MSI2: variants seen among roughly 807,000 people sequenced by gnomAD.
MSI2 encodes the protein musashi RNA binding protein 2.
A neutral mutation model predicts 45.6 loss-of-function variants in MSI2; 17 were observed. The observed-to-expected ratio is 0.37, with a 90% CI of 0.26 to 0.56. The LOEUF is 0.56. Among genes scored for constraint, MSI2 ranks in the 20% least tolerant of loss-of-function variants. The pLI is 0.77. For missense variants in MSI2, 293 were observed against 444.2 expected, an observed-to-expected ratio of 0.66 and a Z score of 3.06; for synonymous variants, 156 against 158.2, an observed-to-expected ratio of 0.99 and a Z score of 0.11.
At chr17:57,615,928 G>A (rs761256014) in intron 8 of MSI2, 42 bp from the exon 9 acceptor site, 11 of 1,444,346 alleles carry the variant, frequency 7.6e-6, no homozygotes, top group Non-Finnish European at 1.1e-5. Flanking sequence ...CATTTACGTG[G>A]AATTCATTTG....
rs1194523537 is a variant in MSI2 at position 57,679,590 on chromosome 17, A to G, written c.*73A>G. ...CAGGCAAGACTGGGCGAAGTTTCTG[A>G]GTGGCCCTTTGTTTAGGTGATGTCC... is the stretch of plus-strand genomic sequence containing the variant. On this transcript the variant is annotated 3_prime_UTR_variant, in exon 14 of 14. Transcript: ENST00000284073. 9.4e-7 allele frequency: 1 copy of G among 1,061,844 alleles called. No individual in the cohort carries two copies. The highest frequency in any genetic ancestry group is 1.1e-6 in the Non-Finnish European group (1 of 876,944). The allele number at this position is 1,061,844 out of a possible 1,614,324, so 65.8% of individuals were successfully genotyped here.
intron 10 of MSI2, among the ~76,000 whole-genome samples, chr17:57,640,498 T>C (rs983719193): frequency 1.3e-5 from 2 of 152,250 alleles, no homozygotes; most frequent in East Asian, 3.8e-4. Flanking sequence ...ATAAATGTTA[T>C]TATTCCACTT....
chr17:57,272,064 C>G (rs1389489731), intron 5 of MSI2, among the ~76,000 whole-genome samples: 1 of 152,124 alleles, frequency 6.6e-6, no homozygotes, highest in Non-Finnish European at 1.5e-5. Flanking sequence ...AGGCAAGGAA[C>G]CAGCCAAGTA....
At chr17:57,336,370 C>T (rs1258361995) in intron 5 of MSI2, among the ~76,000 whole-genome samples, 1 of 152,212 alleles carries the variant, frequency 6.6e-6, no homozygotes, top group Non-Finnish European at 1.5e-5. Context: ...AACCTTTCCA[C>T]ATTCCCAGTT....
At chr17:57,537,379 G>C (rs1247121399) in intron 7 of MSI2, among the ~76,000 whole-genome samples, 1 of 152,206 alleles carries the variant, frequency 6.6e-6, no homozygotes, top group Non-Finnish European at 1.5e-5. Context: ...GTGGGATAAA[G>C]AGTCAGCCCA....
intron 11 of MSI2, among the ~76,000 whole-genome samples, chr17:57,655,999 T>C (rs1317803484): frequency 6.6e-6 from 1 of 152,210 alleles, no homozygotes; most frequent in Non-Finnish European, 1.5e-5. Flanking sequence ...GGGACTGAAC[T>C]AAATGCATGC....
intron 7 of MSI2, among the ~76,000 whole-genome samples, chr17:57,574,867 G>C (rs2087978382): frequency 8.0e-6 from 1 of 124,602 alleles, no homozygotes; most frequent in Non-Finnish European, 1.6e-5. Context: ...GTCTCGCTCT[G>C]TCGCCCAGGC....
intron 6 of MSI2, among the ~76,000 whole-genome samples, chr17:57,497,534 A>G (rs1414807035): frequency 1.3e-5 from 2 of 152,168 alleles, no homozygotes; most frequent in African/African-American, 2.4e-5. Flanking sequence ...GGTCTTTGTC[A>G]AGGTTACATG....
At chr17:57,396,020 T>A (rs2143034031) in intron 5 of MSI2, among the ~76,000 whole-genome samples, 1 of 152,298 alleles carries the variant, frequency 6.6e-6, no homozygotes, top group Middle Eastern at 3.4e-3. Flanking sequence ...ACCTTGGGGT[T>A]CCCACAGATG....
chr17:57,330,281 T>C (rs1326438339), intron 5 of MSI2, among the ~76,000 whole-genome samples: 10 of 150,722 alleles, frequency 6.6e-5, no homozygotes, highest in Admixed American at 5.9e-4. Flanking sequence ...TAACTTTTTC[T>C]TTTTTTTCTT....
chr17:57,497,166 AG>A (rs1164860770), intron 6 of MSI2, among the ~76,000 whole-genome samples: 2 of 152,252 alleles, frequency 1.3e-5, no homozygotes, highest in East Asian at 3.9e-4. Flanking sequence ...TAGTAGAGTC[AG>A]GGTTTCACCA....
In MSI2 at chr17:57,627,510, G is replaced by A. The variant is rs983471256; in HGVS notation, c.727+207G>A. The A allele has an allele frequency of 2.4e-5, 14 of 588,986 alleles. No individual in the cohort carries two copies. The highest frequency in any genetic ancestry group is 4.6e-4 in the Middle Eastern group (1 of 2,180). 36.5% of individuals were successfully genotyped at this position (588,986 alleles called of 1,614,324 possible). A position where few individuals can be genotyped will look rare whatever the true frequency, so the allele number is the denominator to read the frequency against. On this transcript the variant is annotated intron_variant, in intron 10 of 13. Coordinates refer to ENST00000284073, the MANE Select transcript of MSI2 (RefSeq NM_138962.4). This position sits in a 1 kb window ranked among gnomAD's most constrained non-coding sequence, Gnocchi z 4.6. ...AACTCAGGTATAACTCACTGGTGCC[G>A]GGTATTTGAGAACGGCAGCTTTTAA...
intron 5 of MSI2, among the ~76,000 whole-genome samples, chr17:57,382,655 A>G (rs10445349): frequency 0.48 from 72,900 of 151,584 alleles, 20,339 homozygotes; most frequent in South Asian, 0.67. Context: ...ATGGCTCTGC[A>G]GATACCCTGC....
At chr17:57,659,061 T>TTGGTTGG (rs1911804731) in intron 11 of MSI2, among the ~76,000 whole-genome samples, 1 of 151,034 alleles carries the variant, frequency 6.6e-6, no homozygotes, top group Non-Finnish European at 1.5e-5. Context: ...TTTTATTTGG[T>TTGGTTGG]TGGTTGGTTG....
intron 5 of MSI2, among the ~76,000 whole-genome samples, chr17:57,310,749 G>A (rs1342189266): frequency 2.0e-5 from 3 of 152,142 alleles, no homozygotes; most frequent in African/African-American, 7.2e-5. Flanking sequence ...ATATTAATGA[G>A]TGCCTCACTT....
At chr17:57,290,953 T>C (rs1425321591) in intron 5 of MSI2, among the ~76,000 whole-genome samples, 1 of 152,226 alleles carries the variant, frequency 6.6e-6, no homozygotes, top group Admixed American at 6.5e-5. Context: ...CCTGCGTCAG[T>C]GTCCTGGGTG....
intron 6 of MSI2, among the ~76,000 whole-genome samples, chr17:57,443,682 T>TGTGA (rs1814268083): frequency 6.6e-6 from 1 of 152,142 alleles, no homozygotes; most frequent in Non-Finnish European, 1.5e-5. Context: ...GCTCTGCCCG[T>TGTGA]GTGAGACAGG....
At chr17:57,365,241 T>C (rs1051793812) in intron 5 of MSI2, among the ~76,000 whole-genome samples, 10 of 152,228 alleles carry the variant, frequency 6.6e-5, no homozygotes, top group African/African-American at 2.4e-4. Context: ...TGGTTTTTTA[T>C]ATACCTTGCT....
At position 57,456,029 on chromosome 17, in the gene MSI2, G is replaced by A. The variant is rs150478567; in HGVS notation, c.405+54558G>A. Among the ~76,000 whole-genome samples, 100 of 152,282 alleles carry A rather than the reference G, an allele frequency of 6.6e-4. 1 individual carries two copies. The highest frequency in any genetic ancestry group is 2.3e-3 in the African/African-American group (94 of 41,572). On this transcript the variant is annotated intron_variant, in intron 6 of 13. Coordinates refer to ENST00000284073, the MANE Select transcript of MSI2 (RefSeq NM_138962.4). ...CATGTGAAGATAGACCAGACGCCCC[G>A]CAGAGACAGCCCTCTTGAAACTCTC...
Sources: gnomAD v4.1 joint callset for allele counts (sites outside exome capture counted in the v4.1 genomes callset) on GRCh38, gnomAD v4.1.1 for gene constraint, Gnocchi (gnomAD v3.1) non-coding constraint, MANE v1.5 for transcripts, NCBI Gene and HGNC (gene_info 2026-07-23, HGNC 2026-07-21) for gene names.